Variants in MOK observed in about 807,000 individuals in gnomAD.
MOK encodes the protein MAPK/MAK/MRK overlapping kinase.
MOK carries 59 observed loss-of-function variants against 54.2 expected under a neutral mutation model. The ratio of observed to expected loss-of-function variants is 1.09; its 90% CI spans 0.88 to 1.35. The LOEUF is 1.35. MOK is among the 40% of genes most tolerant of loss of function. The pLI is 0.00. For missense variants in MOK, 517 were observed against 526.2 expected (o/e 0.98, Z 0.17); for synonymous variants, 210 against 202.7 (o/e 1.04, Z -0.31).
intron 2 of MOK, among the ~76,000 whole-genome samples, chr14:102,279,620 T>C (rs1228533245): frequency 6.6e-6 from 1 of 152,116 alleles, no homozygotes; most frequent in Non-Finnish European, 1.5e-5. Flanking sequence ...AGCCTATTCT[T>C]AATTGTGTAC....
At chr14:102,284,225 T>C (rs749366400) in intron 1 of MOK, among the ~76,000 whole-genome samples, 1 of 151,922 alleles carries the variant, frequency 6.6e-6, no homozygotes, top group Non-Finnish European at 1.5e-5. Flanking sequence ...AATGAGCACC[T>C]TGATGTGGGG....
chr14:102,259,841 C>A (rs1235541380), intron 4 of MOK, among the ~76,000 whole-genome samples: 1 of 151,926 alleles, frequency 6.6e-6, no homozygotes, highest in African/African-American at 2.4e-5. Context: ...GTCAAGAGAT[C>A]GAGACCATCC....
rs1200868500 is a variant in MOK, at chr14:102,232,518, C to T, written c.866+17G>A. On this transcript the variant is annotated intron_variant, in intron 9 of 11. Coordinates refer to ENST00000361847, the MANE Select transcript of MOK (RefSeq NM_014226.3). This position sits in a 1 kb window ranked among gnomAD's most constrained non-coding sequence, Gnocchi z 5.1. ...CAGGTCCTGCATCTGCCCCACCGAA[C>T]CCACGAGAGTGCCTACCTCTGTTCT... 1 of 1,606,242 alleles carries T rather than the reference C, an allele frequency of 6.2e-7. No homozygotes were observed. The highest frequency in any genetic ancestry group is 8.5e-7 in the Non-Finnish European group (1 of 1,174,382).
chr14:102,226,148 C>A, downstream of MOK: 2 of 594,788 alleles, frequency 3.4e-6, no homozygotes, highest in East Asian at 5.7e-5. The surrounding 1 kb of genome is among the most constrained non-coding windows in gnomAD (Gnocchi z 4.8). Context: ...ATGGAAATGG[C>A]TGATGGAGAT....
chr14:102,257,225 TG>T (rs1290097873), intron 4 of MOK, among the ~76,000 whole-genome samples: 2 of 151,864 alleles, frequency 1.3e-5, no homozygotes, highest in Admixed American at 6.6e-5. Context: ...GGCCCAGGTA[TG>T]GGGGCAGATG....
rs768695745 is a variant in MOK at position 102,231,830 on chromosome 14, AAGG to A, written c.867-12_867-10del. On this transcript the variant is annotated splice_polypyrimidine_tract_variant and intron_variant, in intron 9 of 11. Transcript: ENST00000361847. The surrounding 1 kb of genome is among the most constrained non-coding windows in gnomAD (Gnocchi z 4.4). ...CCCGCTTCTCTGTTTTCCTACGGGGAAGGAGAAGAGAATGGAGCAGCTCCACTG... is the reference window on the plus strand; with the variant it reads ...CCCGCTTCTCTGTTTTCCTACGGGGAAGAAGAGAATGGAGCAGCTCCACTG... The A allele has an allele frequency of 8.1e-6, 13 of 1,609,488 alleles. No individual in the cohort carries two copies. Among genetic ancestry groups the A allele is most frequent in the Admixed American group, 3.3e-5 (2 of 59,914 alleles).
intron 7 of MOK, among the ~76,000 whole-genome samples, chr14:102,242,094 C>T (rs1053001224): frequency 5.3e-5 from 8 of 152,168 alleles, no homozygotes; most frequent in African/African-American, 1.7e-4. Context: ...TTGGCTTTAG[C>T]GGCTGAAGAC....
intron 1 of MOK, among the ~76,000 whole-genome samples, chr14:102,302,935 G>A (rs1437749138): frequency 6.6e-6 from 1 of 151,474 alleles, no homozygotes; most frequent in Non-Finnish European, 1.5e-5. Context: ...GCTGAGGCGG[G>A]TGGATCGCTT....
chr14:102,257,345 A>G (rs1290573633), intron 4 of MOK, among the ~76,000 whole-genome samples: 1 of 152,064 alleles, frequency 6.6e-6, no homozygotes, highest in Non-Finnish European at 1.5e-5. Context: ...TATTCTGCAG[A>G]GCGTTGTCAG....
chr14:102,246,188 C>T (rs1737318942), intron 7 of MOK: 1 of 152,086 alleles, frequency 6.6e-6, no homozygotes, highest in South Asian at 2.1e-4. Flanking sequence ...TCAAACATTC[C>T]CACATCCTCC....
chr14:102,261,254 CAAA>C lies in MOK; in HGVS notation c.283+2289_283+2291del, dbSNP rs71116891. 3.5e-5 allele frequency among the ~76,000 whole-genome samples: 3 copies of C among 86,810 alleles called. 1 individual carries two copies. The highest frequency in any genetic ancestry group is 1.0e-4 in the African/African-American group (2 of 19,954). The allele number at this position is 86,810 out of a possible 152,430, so 57.0% of individuals were successfully genotyped here. A position where few individuals can be genotyped will look rare whatever the true frequency, so the allele number is the denominator to read the frequency against. ...TGGCAACAGAGCGAGACTCTGCCTA[CAAA>C]AAAAAAAAAAAATTAGCCAAGTGTG... On this transcript the variant is annotated intron_variant, in intron 4 of 11. Transcript: ENST00000361847.
At chr14:102,247,748 A>G (rs1195580593) in intron 7 of MOK, among the ~76,000 whole-genome samples, 1 of 152,210 alleles carries the variant, frequency 6.6e-6, no homozygotes, top group Non-Finnish European at 1.5e-5. Flanking sequence ...CTAGATGAAC[A>G]GTGTTGCTTT....
rs911543761 is a variant in MOK at position 102,231,311 on chromosome 14, C to T, written c.981+396G>A. The T allele has an allele frequency of 6.2e-6, 1 of 161,326 alleles. No homozygotes were observed. Among genetic ancestry groups the T allele is most frequent in the East Asian group, 1.8e-4 (1 of 5,658 alleles). The allele number at this position is 161,326 out of a possible 1,614,324, so 10.0% of individuals were successfully genotyped here. Reference sequence around the variant, plus strand: ...GACCTGTCACTGGCTGGGTGGGTGACTTGGGCCAGCATTGCATCTTCTTGG... The same window carrying T: ...GACCTGTCACTGGCTGGGTGGGTGATTTGGGCCAGCATTGCATCTTCTTGG... On this transcript the variant is annotated intron_variant, in intron 10 of 11. Coordinates refer to ENST00000361847, the MANE Select transcript of MOK (RefSeq NM_014226.3). The surrounding 1 kb of genome is among the most constrained non-coding windows in gnomAD (Gnocchi z 4.4).
intron 6 of MOK, 119 bp downstream of exon 6, chr14:102,251,633 TAACA>T (rs774074094): frequency 6.3e-6 from 5 of 797,424 alleles, no homozygotes; most frequent in South Asian, 4.3e-5. Flanking sequence ...AAAATTACTG[TAACA>T]AACAGGCTGT....
At chr14:102,229,699 T>A in intron 10 of MOK, 42 bp from the exon 11 acceptor site, 1 of 1,515,936 alleles carries the variant, frequency 6.6e-7, no homozygotes, top group Non-Finnish European at 8.9e-7. Flanking sequence ...AAACGCTTTC[T>A]GCTTTATGGA....
intron 1 of MOK, among the ~76,000 whole-genome samples, chr14:102,303,915 CAG>C (rs1391333302): frequency 6.6e-6 from 1 of 152,116 alleles, no homozygotes; most frequent in Non-Finnish European, 1.5e-5. Flanking sequence ...TCAAAACAAA[CAG>C]ATGGGAAGAA....
intron 3 of MOK, among the ~76,000 whole-genome samples, chr14:102,264,985 A>G (rs982209215): frequency 3.9e-5 from 6 of 152,196 alleles, no homozygotes; most frequent in Non-Finnish European, 8.8e-5. Context: ...TGTCAGGAAG[A>G]AGGCTTCCCA....
At position 102,231,660 on chromosome 14, in the gene MOK, A is replaced by C. The variant is rs2064720844; in HGVS notation, c.981+47T>G. 3 of 1,558,618 alleles carry C rather than the reference A, an allele frequency of 1.9e-6. No homozygotes were observed. Among genetic ancestry groups the C allele is most frequent in the Non-Finnish European group, 2.6e-6 (3 of 1,133,594 alleles). ...AGACACAGGCCACCCGAGGGCATCC[A>C]GTCCCGGCTGAGCTAGGCAGTCTCC... On this transcript the variant is annotated intron_variant, in intron 10 of 11. Coordinates refer to ENST00000361847, the MANE Select transcript of MOK (RefSeq NM_014226.3). This position sits in a 1 kb window ranked among gnomAD's most constrained non-coding sequence, Gnocchi z 4.4.
At chr14:102,281,055 G>T (rs915340415) in intron 2 of MOK, among the ~76,000 whole-genome samples, 2 of 152,284 alleles carry the variant, frequency 1.3e-5, no homozygotes, top group Non-Finnish European at 2.9e-5. Context: ...TGGGCATGGT[G>T]GCTCACACCT....
Sources: allele counts gnomAD v4.1 joint callset (sites outside exome capture counted in the v4.1 genomes callset), GRCh38; gene constraint gnomAD v4.1.1; non-coding constraint Gnocchi (gnomAD v3.1); transcripts MANE v1.5; gene names NCBI Gene and HGNC (gene_info 2026-07-23, HGNC 2026-07-21).